Variants in LINGO2 observed in about 807,000 individuals in gnomAD.
LINGO2 encodes leucine-rich repeat and immunoglobulin-like domain-containing nogo receptor-interacting protein 2.
Under a neutral mutation model 30.6 loss-of-function variants are expected in LINGO2, and 14 were observed. That is an observed-to-expected ratio of 0.46 (90% CI 0.30 to 0.72). The LOEUF (loss-of-function observed/expected upper bound fraction) is 0.72, where lower values mean the gene tolerates loss of function less well. Among genes scored for constraint, LINGO2 ranks in the 30% least tolerant of loss-of-function variants. LINGO2 has a pLI of 0.07. For synonymous variants in LINGO2, 317 were observed against 288.5 expected (o/e 1.10, Z -1.00); for missense variants, 729 against 751.7 (o/e 0.97, Z 0.35).
At chr9:28,470,555 T>G (rs1384323462) in intron 2 of LINGO2, among the ~76,000 whole-genome samples, 8 of 152,124 alleles carry the variant, frequency 5.3e-5, no homozygotes. Context: ...CTGGATCATT[T>G]TCATGCCTGT....
intron 2 of LINGO2, among the ~76,000 whole-genome samples, chr9:28,443,992 T>A (rs1254571529): frequency 6.6e-6 from 1 of 152,108 alleles, no homozygotes; most frequent in African/African-American, 2.4e-5. Context: ...CAGCACAGAC[T>A]TTCTCCCTTC....
chr9:28,557,513 A>C (rs1049189892), intron 1 of LINGO2, among the ~76,000 whole-genome samples: 2 of 152,008 alleles, frequency 1.3e-5, no homozygotes, highest in Non-Finnish European at 2.9e-5. Context: ...GCTGGAGAGG[A>C]TGTGGAGAAA....
the LINGO2 span, among the ~76,000 whole-genome samples, chr9:29,180,906 A>G: frequency 6.6e-6 from 1 of 152,196 alleles, no homozygotes; most frequent in African/African-American, 2.4e-5. Flanking sequence ...AAAACAAAAC[A>G]AAATTTCTCA....
At chr9:28,967,756 G>C in the LINGO2 span, among the ~76,000 whole-genome samples, 1 of 152,130 alleles carries the variant, frequency 6.6e-6, no homozygotes, top group African/African-American at 2.4e-5. Flanking sequence ...GACAGGAAGG[G>C]AACAGGTGTT....
chr9:28,174,065 A>G (rs1312678590), intron 4 of LINGO2, among the ~76,000 whole-genome samples: 2 of 152,208 alleles, frequency 1.3e-5, no homozygotes, highest in African/African-American at 4.8e-5. Flanking sequence ...TAAGATATCA[A>G]TGTGGATGCA....
chr9:28,962,858 C>T, the LINGO2 span, among the ~76,000 whole-genome samples: 2 of 151,588 alleles, frequency 1.3e-5, no homozygotes, highest in Admixed American at 6.6e-5. Context: ...AGAGATTTAC[C>T]CACACATTCA....
the LINGO2 span, among the ~76,000 whole-genome samples, chr9:29,164,848 T>C: frequency 6.6e-6 from 1 of 152,276 alleles, no homozygotes; most frequent in Non-Finnish European, 1.5e-5. Context: ...TAAGTGAATA[T>C]GGCTACAGTT....
chr9:27,994,639 G>C (rs1400054708), intron 5 of LINGO2, among the ~76,000 whole-genome samples: 1 of 152,152 alleles, frequency 6.6e-6, no homozygotes, highest in African/African-American at 2.4e-5. Context: ...GCCTAAGGAG[G>C]GGCAAAGGGC....
chr9:28,581,224 T>G (rs1824242220), intron 1 of LINGO2, among the ~76,000 whole-genome samples: 1 of 151,782 alleles, frequency 6.6e-6, no homozygotes. Context: ...AAGAAAACAT[T>G]GTGTGCATTT....
chr9:28,744,783 C>T, the LINGO2 span, among the ~76,000 whole-genome samples: 4 of 151,436 alleles, frequency 2.6e-5, no homozygotes, highest in African/African-American at 4.9e-5. Context: ...ACTACATGTG[C>T]GTGCCACCAT....
the LINGO2 span, among the ~76,000 whole-genome samples, chr9:28,699,898 G>T: frequency 6.6e-6 from 1 of 151,916 alleles, no homozygotes; most frequent in Non-Finnish European, 1.5e-5. Flanking sequence ...ACTCAGACGG[G>T]TTATCTGCTC....
the LINGO2 span, among the ~76,000 whole-genome samples, chr9:28,920,642 A>G: frequency 5.6e-3 from 855 of 152,326 alleles, 12 homozygotes; most frequent in African/African-American, 0.019. Context: ...TGGGTCATGA[A>G]GGAGCATATT....
intron 5 of LINGO2, among the ~76,000 whole-genome samples, chr9:27,982,674 T>C (rs948331067): frequency 1.1e-4 from 17 of 151,990 alleles, no homozygotes; most frequent in Admixed American, 9.2e-4. Flanking sequence ...AGTAATCTGA[T>C]TAAAGAGGTT....
At chr9:28,632,357 T>C (rs956011430) in intron 1 of LINGO2, among the ~76,000 whole-genome samples, 1 of 151,878 alleles carries the variant, frequency 6.6e-6, no homozygotes, top group African/African-American at 2.4e-5. Context: ...TATTGGCTTG[T>C]AGGGAGAAGC....
At chr9:28,262,503 T>C (rs1297938374) in intron 4 of LINGO2, among the ~76,000 whole-genome samples, 2 of 151,874 alleles carry the variant, frequency 1.3e-5, no homozygotes, top group Non-Finnish European at 2.9e-5. Context: ...ACATAACATA[T>C]AAAGACAGGA....
chr9:29,199,633 GA>G, the LINGO2 span, among the ~76,000 whole-genome samples: 1 of 152,058 alleles, frequency 6.6e-6, no homozygotes, highest in Admixed American at 6.6e-5. Context: ...AAAATGCTGG[GA>G]AAACTTTCAT....
At chr9:28,223,695 C>G (rs1179712207) in intron 4 of LINGO2, among the ~76,000 whole-genome samples, 3 of 152,062 alleles carry the variant, frequency 2.0e-5, no homozygotes, top group African/African-American at 7.2e-5. Flanking sequence ...GTTATGGAAA[C>G]AGAGAGTGGG....
intron 1 of LINGO2, among the ~76,000 whole-genome samples, chr9:28,604,059 C>A (rs1340809129): frequency 6.6e-6 from 1 of 151,954 alleles, no homozygotes; most frequent in African/African-American, 2.4e-5. Flanking sequence ...TTAAACCATG[C>A]AAATTCTCTA....
Position 28,448,845 on chromosome 9 carries a change from A to G in LINGO2, c.-279+27095T>C, listed in dbSNP as rs76815134. On this transcript the variant is annotated intron_variant, in intron 2 of 5. Transcript: ENST00000379992. ...AGAGTGCAGCCACAATACCTAGGGT[A>G]AGTTTGGGAATGTTAAGTTATCCAG... Among the ~76,000 whole-genome samples, 1,439 of 152,050 alleles carry G rather than the reference A, an allele frequency of 9.5e-3. 23 individuals carry two copies. The highest frequency in any genetic ancestry group is 0.033 in the African/African-American group (1,357 of 41,480).
Sources: allele counts gnomAD v4.1 joint callset (sites outside exome capture counted in the v4.1 genomes callset), GRCh38; gene constraint gnomAD v4.1.1; transcripts MANE v1.5; gene names NCBI Gene and HGNC (gene_info 2026-07-23, HGNC 2026-07-21).